BARX2: variants seen among roughly 807,000 people sequenced by gnomAD.
BARX2 encodes BARX homeobox 2, also known as homeobox protein BarH-like 2.
In BARX2, 11 loss-of-function variants were observed where a neutral mutation model predicts 25.5. The ratio of observed to expected loss-of-function variants is 0.43; its 90% CI spans 0.27 to 0.71. The LOEUF is 0.71. BARX2 is among the 30% of genes least tolerant of loss of function. The probability of loss-of-function intolerance (pLI) is 0.19; values close to 1 mark genes in which losing one functional copy is unlikely to be tolerated. For synonymous variants in BARX2, 137 were observed against 149.5 expected (o/e 0.92, Z 0.61); for missense variants, 360 against 359.9 (o/e 1.00, Z 0.00).
In BARX2 at chr11:129,381,978, G is replaced by A. The variant is rs541983320; in HGVS notation, c.187+5756G>A. Among the ~76,000 whole-genome samples, 17 of 152,306 alleles carry A rather than the reference G, an allele frequency of 1.1e-4. 1 individual carries two copies. In the South Asian group the frequency reaches 1.7e-3, roughly 15 times the overall value. On this transcript the variant is annotated intron_variant, in intron 1 of 3. Transcript: ENST00000281437. ...GCTAAAGTTGATTCTACTTAGACGC[G>A]TGCTGGGGCCTCTTCAAGGTTGAGA... is the stretch of plus-strand genomic sequence containing the variant.
intron 1 of BARX2, among the ~76,000 whole-genome samples, chr11:129,432,566 A>G (rs1160435966): frequency 6.6e-6 from 1 of 152,190 alleles, no homozygotes; most frequent in African/African-American, 2.4e-5. Context: ...TTTTACTAGA[A>G]GTGTCATAAA....
intron 1 of BARX2, among the ~76,000 whole-genome samples, chr11:129,399,649 C>T (rs892914751): frequency 6.6e-6 from 1 of 152,142 alleles, no homozygotes; most frequent in African/African-American, 2.4e-5. Flanking sequence ...GGACGGCTCC[C>T]TGCAGAGCAA....
chr11:129,383,097 C>T (rs1861584954), intron 1 of BARX2, among the ~76,000 whole-genome samples: 1 of 152,188 alleles, frequency 6.6e-6, no homozygotes, highest in South Asian at 2.1e-4. Flanking sequence ...TGGTGGCATT[C>T]ACAAATACTC....
chr11:129,434,117 C>CAA (rs146352602), intron 1 of BARX2, among the ~76,000 whole-genome samples: 20 of 146,808 alleles, frequency 1.4e-4, no homozygotes, highest in Middle Eastern at 3.4e-3. Context: ...TAAAGGCAGA[C>CAA]AAAAAAAAAA....
intron 1 of BARX2, among the ~76,000 whole-genome samples, chr11:129,434,421 T>TAAAAAAAAAAAAAAAAAAAAAAAA (rs56344103): frequency 3.9e-5 from 3 of 76,394 alleles, no homozygotes; most frequent in Middle Eastern, 9.6e-3. Flanking sequence ...AAAAAGTAAG[T>TAAAAAAAAAAAAAAAAAAAAAAAA]AAAAAAAAAA....
chr11:129,449,929 CA>C (rs1436956544), intron 3 of BARX2, among the ~76,000 whole-genome samples: 1 of 152,104 alleles, frequency 6.6e-6, no homozygotes, highest in African/African-American at 2.4e-5. Context: ...GGAAGGCTTC[CA>C]GGAGAAGTTA....
intron 1 of BARX2, among the ~76,000 whole-genome samples, chr11:129,427,759 G>A (rs904556576): frequency 6.6e-6 from 1 of 152,212 alleles, no homozygotes; most frequent in African/African-American, 2.4e-5. Context: ...CGGGGACCTG[G>A]CTTCTGCCAT....
At chr11:129,449,665 TCAGCCAAGG>T (rs971422127) in intron 3 of BARX2, among the ~76,000 whole-genome samples, 4 of 152,198 alleles carry the variant, frequency 2.6e-5, no homozygotes, top group African/African-American at 9.7e-5. Flanking sequence ...GCCTTTGAAG[TCAGCCAAGG>T]CCATTTAGGG....
intron 1 of BARX2, among the ~76,000 whole-genome samples, chr11:129,377,342 T>G (rs1861514701): frequency 6.6e-6 from 1 of 152,250 alleles, no homozygotes; most frequent in South Asian, 2.1e-4. Flanking sequence ...AGTCCCTATA[T>G]GACAATCAGT....
chr11:129,450,154 T>A (rs1862379275), intron 3 of BARX2, among the ~76,000 whole-genome samples: 1 of 152,092 alleles, frequency 6.6e-6, no homozygotes, highest in Admixed American at 6.5e-5. Flanking sequence ...AGTGGCAGAG[T>A]TGGAATTTAA....
chr11:129,400,565 T>A (rs1861765284), intron 1 of BARX2, among the ~76,000 whole-genome samples: 1 of 152,218 alleles, frequency 6.6e-6, no homozygotes, highest in Admixed American at 6.5e-5. Flanking sequence ...TAATAGAATG[T>A]AAAGTATACA....
chr11:129,448,222 G>A (rs980004743), intron 3 of BARX2, among the ~76,000 whole-genome samples: 8 of 152,092 alleles, frequency 5.3e-5, no homozygotes, highest in Non-Finnish European at 1.2e-4. Flanking sequence ...CCATGACCTC[G>A]GATTAGACAA....
In BARX2 at chr11:129,452,036, T is replaced by TG. The variant is rs1555141843; in HGVS notation, c.*634_*635insG. Reference sequence around the variant, plus strand: ...CAAGAACTGATAAGCTTTGGTTTTTTTTTTGTTTTGTTTTGTTTTTTGCTT... The same window carrying TG: ...CAAGAACTGATAAGCTTTGGTTTTTTGTTTTGTTTTGTTTTGTTTTTTGCTT... On this transcript the variant is annotated 3_prime_UTR_variant, in exon 4 of 4. Transcript: ENST00000281437. The TG allele has an allele frequency of 6.6e-5, 10 of 151,934 alleles. No homozygotes were observed. Among genetic ancestry groups the TG allele is most frequent in the South Asian group, 2.1e-4 (1 of 4,814 alleles). 9.4% of individuals were successfully genotyped at this position (151,934 alleles called of 1,614,324 possible).
intron 1 of BARX2, among the ~76,000 whole-genome samples, chr11:129,416,523 T>C (rs1861944819): frequency 6.6e-6 from 1 of 152,198 alleles, no homozygotes; most frequent in Non-Finnish European, 1.5e-5. Flanking sequence ...ACTAAGGATT[T>C]ATAGCTTTTA....
intron 1 of BARX2, among the ~76,000 whole-genome samples, chr11:129,402,950 G>GCA (rs371491261): frequency 4.5e-4 from 69 of 152,352 alleles, no homozygotes; most frequent in African/African-American, 1.5e-3. Context: ...GAGCCAAACA[G>GCA]CACACAGTGA....
chr11:129,434,741 G>C (rs1159404017), intron 1 of BARX2, among the ~76,000 whole-genome samples: 1 of 152,156 alleles, frequency 6.6e-6, no homozygotes, highest in African/African-American at 2.4e-5. Flanking sequence ...GAAATTCCCT[G>C]TCAGTGACTT....
chr11:129,414,950 C>T (rs991260069), intron 1 of BARX2, among the ~76,000 whole-genome samples: 5 of 152,182 alleles, frequency 3.3e-5, no homozygotes, highest in South Asian at 2.1e-4. Context: ...TTCTTTTTGG[C>T]TCTAGGCATT....
At position 129,436,802 on chromosome 11, in the gene BARX2, C is replaced by T. The variant is rs1267731010; in HGVS notation, c.239C>T (p.Pro80Leu). Residue 80 changes from proline (P) to leucine (L), a missense_variant, in exon 2 of 4, where the codon CCC becomes CTC. By Grantham distance (98) the Pro-to-Leu change is moderately conservative. This residue lies in a region of BARX2 where 240 missense variants were observed against 228.7 expected (regional missense o/e 1.05). Transcript: ENST00000281437. This position sits in a 1 kb window ranked among gnomAD's most constrained non-coding sequence, Gnocchi z 4.5. ...YPLLSVITRQ[P>L]TVISHLVPAT... ...CTCCTCTCGGTGATCACCCGCCAGCCCACTGTCATCTCCCACCTGGTCCCT... is the reference window on the plus strand; with the variant it reads ...CTCCTCTCGGTGATCACCCGCCAGCTCACTGTCATCTCCCACCTGGTCCCT... 1.2e-6 allele frequency: 2 copies of T among 1,612,554 alleles called. No individual in the cohort carries two copies. The highest frequency in any genetic ancestry group is 1.1e-5 in the South Asian group (1 of 90,852).
intron 1 of BARX2, among the ~76,000 whole-genome samples, chr11:129,402,432 C>A (rs1051088704): frequency 6.6e-6 from 1 of 152,042 alleles, no homozygotes; most frequent in Non-Finnish European, 1.5e-5. Flanking sequence ...GATAAGCATC[C>A]AACAGCTGTT....
Sources: allele counts gnomAD v4.1 joint callset (sites outside exome capture counted in the v4.1 genomes callset), GRCh38; gene constraint gnomAD v4.1.1; regional missense constraint gnomAD v4.1.1; non-coding constraint Gnocchi (gnomAD v3.1); transcripts MANE v1.5; gene names NCBI Gene and HGNC (gene_info 2026-07-23, HGNC 2026-07-21).